NACC2: variants seen among roughly 807,000 people sequenced by gnomAD.
NACC2 encodes NACC family member 2, also known as nucleus accumbens-associated protein 2.
In NACC2, 8 loss-of-function variants were observed where a neutral mutation model predicts 25.1. That is an observed-to-expected ratio of 0.32 (90% confidence interval 0.19 to 0.57). The LOEUF (loss-of-function observed/expected upper bound fraction) is 0.57. Ranked by LOEUF, NACC2 falls within the 20% of genes least tolerant of loss-of-function variation. NACC2 has a pLI of 0.89. For missense variants in NACC2, 644 were observed against 650.2 expected (o/e 0.99, Z 0.10); for synonymous variants, 435 against 294.7 (o/e 1.48, Z -4.88).
intron 1 of NACC2, among the ~76,000 whole-genome samples, chr9:136,056,616 G>A (rs909278288): frequency 6.6e-6 from 1 of 152,250 alleles, no homozygotes; most frequent in African/African-American, 2.4e-5. Flanking sequence ...ACCCAGGAAA[G>A]GGGCGCAAAG....
chr9:136,010,413 G>C lies in NACC2; in HGVS notation c.*1103C>G, dbSNP rs2131128673. On this transcript the variant is annotated 3_prime_UTR_variant, in exon 6 of 6. Transcript: ENST00000277554. The surrounding 1 kb of genome is among the most constrained non-coding windows in gnomAD (Gnocchi z 4.9). ...CGGAGTCCCCCGCTCCCCAGGTCCG[G>C]CCCTGAGCTCAGCTTCACACGTACT... is the stretch of plus-strand genomic sequence containing the variant. The C allele has an allele frequency of 6.6e-6, 1 of 152,598 alleles. No homozygotes were observed. Among genetic ancestry groups the C allele is most frequent in the East Asian group, 1.9e-4 (1 of 5,154 alleles). 9.5% of individuals were successfully genotyped at this position (152,598 alleles called of 1,614,324 possible).
intron 2 of NACC2, among the ~76,000 whole-genome samples, chr9:136,036,760 AG>A (rs1840560646): frequency 6.6e-6 from 1 of 152,254 alleles, no homozygotes; most frequent in Non-Finnish European, 1.5e-5. Flanking sequence ...AATAATAATC[AG>A]AACCTCAGTG....
intron 2 of NACC2, among the ~76,000 whole-genome samples, chr9:136,039,649 C>A (rs1840600389): frequency 6.6e-6 from 1 of 152,078 alleles, no homozygotes; most frequent in African/African-American, 2.4e-5. Flanking sequence ...AGGTTTCTCC[C>A]AGGAATGCAA....
At chr9:136,033,729 AG>A (rs1282294932) in intron 2 of NACC2, among the ~76,000 whole-genome samples, 1 of 152,064 alleles carries the variant, frequency 6.6e-6, no homozygotes, top group East Asian at 1.9e-4. Flanking sequence ...AATATTCCTA[AG>A]AAAAAATTAT....
At position 136,011,822 on chromosome 9, in the gene NACC2, G is replaced by A. The variant is rs754937337; in HGVS notation, c.1458C>T (p.Ala486=). Residue 486 remains alanine (A), a synonymous_variant, in exon 6 of 6, where the codon GCC becomes GCT. Transcript: ENST00000277554. ...TGCGTTGCTCGAACACCTGTGCCGC[G>A]GCAGGCGGGAACTCGGGGTCGAGGG... The part of the protein sequence containing the change: ...SVPLDPEFPP[A]AAQVFEQRIY... 1.8e-5 allele frequency: 29 copies of A among 1,574,226 alleles called. No individual in the cohort carries two copies. The highest frequency in any genetic ancestry group is 9.5e-5 in the African/African-American group (7 of 73,812).
intron 2 of NACC2, among the ~76,000 whole-genome samples, chr9:136,038,117 G>C (rs992831845): frequency 2.6e-5 from 4 of 152,334 alleles, no homozygotes; most frequent in African/African-American, 9.6e-5. Context: ...CCAGGAAACA[G>C]ATTAGCGGTG....
intron 1 of NACC2, among the ~76,000 whole-genome samples, chr9:136,077,642 AGAG>A (rs145086010): frequency 0.086 from 13,162 of 152,226 alleles, 596 homozygotes; most frequent in African/African-American, 0.12. Context: ...GGCCCTTCAC[AGAG>A]GAGAAGGTCC....
intron 2 of NACC2, among the ~76,000 whole-genome samples, chr9:136,028,429 T>G (rs529351320): frequency 6.8e-6 from 1 of 146,880 alleles, no homozygotes; most frequent in Non-Finnish European, 1.5e-5. Flanking sequence ...CATGCTGGAG[T>G]GCAGTGGTGC....
At chr9:136,068,500 A>C (rs1029266970) in intron 1 of NACC2, among the ~76,000 whole-genome samples, 1 of 30,904 alleles carries the variant, frequency 3.2e-5, no homozygotes, top group Non-Finnish European at 9.6e-5. Flanking sequence ...ACTCCGTCTC[A>C]AAAAAAAAAA....
rs1588571920 is a variant in NACC2 at position 136,050,667 on chromosome 9, C to T, written c.-59-87G>A. ...CCGTTCCCACCCCCTCCTCCCCCGC[C>T]GGGGGCTTACAAAGAGCGAGCCTTC... On this transcript the variant is annotated intron_variant, in intron 1 of 5. Coordinates refer to ENST00000277554, the MANE Select transcript of NACC2 (RefSeq NM_144653.5). 1.7e-5 allele frequency: 11 copies of T among 648,316 alleles called. No homozygotes were observed. In the East Asian group the frequency reaches 2.2e-4, roughly 13 times the overall value. 40.2% of individuals were successfully genotyped at this position (648,316 alleles called of 1,614,324 possible).
At chr9:136,089,088 G>A (rs946745330) in intron 1 of NACC2, among the ~76,000 whole-genome samples, 5 of 152,194 alleles carry the variant, frequency 3.3e-5, no homozygotes, top group Non-Finnish European at 7.4e-5. Context: ...TTGCAGCCCC[G>A]CTGCCAACCA....
At position 136,012,029 on chromosome 9, in the gene NACC2, G is replaced by A. The variant is rs1840118712; in HGVS notation, c.1256-5C>T. The A allele has an allele frequency of 1.9e-6, 3 of 1,554,132 alleles. No homozygotes were observed. The African/African-American group carries it at 4.1e-5, about 21-fold the overall frequency. On this transcript the variant is annotated splice_region_variant and splice_polypyrimidine_tract_variant and intron_variant, in intron 5 of 5. Coordinates refer to ENST00000277554, the MANE Select transcript of NACC2 (RefSeq NM_144653.5). ...GGGCGAAGTTCTGACAGTACACTGT[G>A]AGGACGGGGCGGCGTGAGCTCAGCC...
At chr9:136,042,391 G>A (rs1315140232) in intron 2 of NACC2, among the ~76,000 whole-genome samples, 1 of 152,184 alleles carries the variant, frequency 6.6e-6, no homozygotes, top group Non-Finnish European at 1.5e-5. Context: ...CATAAGCACA[G>A]ACACACAGAT....
intron 2 of NACC2, among the ~76,000 whole-genome samples, chr9:136,023,246 G>A (rs879430758): frequency 5.3e-4 from 81 of 151,630 alleles, no homozygotes; most frequent in Non-Finnish European, 8.3e-4. Context: ...AGCTGCGGGG[G>A]AAGATGTGGG....
chr9:136,074,159 A>T (rs1267797389), intron 1 of NACC2, among the ~76,000 whole-genome samples: 1 of 151,618 alleles, frequency 6.6e-6, no homozygotes, highest in Non-Finnish European at 1.5e-5. Flanking sequence ...TTAAAAAATT[A>T]GCCAGGCATG....
rs896548286 is a variant in NACC2 at position 136,050,125 on chromosome 9, C to T, written c.397G>A (p.Ala133Thr). The change falls in exon 2 of 6, where the codon GCT (alanine) becomes ACT (threonine). Residue 133 changes from alanine to threonine, a missense_variant. Ala to Thr is a moderately conservative substitution (Grantham distance 58, BLOSUM62 0). Transcript: ENST00000277554. ...VSSPHCDSQT[A>T]VIEDAGSEPQ... Reference sequence around the variant, plus strand: ...TCGGAGCCGGCGTCCTCGATCACAGCGGTCTGCGAGTCGCAGTGGGGCGAG... The same window carrying T: ...TCGGAGCCGGCGTCCTCGATCACAGTGGTCTGCGAGTCGCAGTGGGGCGAG... The T allele has an allele frequency of 1.2e-5, 9 of 762,712 alleles. No individual in the cohort carries two copies. In the Admixed American group the frequency reaches 1.4e-4, roughly 12 times the overall value. 47.2% of individuals were successfully genotyped at this position (762,712 alleles called of 1,614,324 possible). A position where few individuals can be genotyped will look rare whatever the true frequency, so the allele number is the denominator to read the frequency against.
intron 1 of NACC2, among the ~76,000 whole-genome samples, chr9:136,077,917 T>A (rs10858221): frequency 0.78 from 118,620 of 152,128 alleles, 48,335 homozygotes; most frequent in East Asian, 0.99. Flanking sequence ...ATCAGTCCAA[T>A]CATAGTTTTG....
intron 2 of NACC2, among the ~76,000 whole-genome samples, chr9:136,034,826 G>A (rs888600553): frequency 6.6e-5 from 10 of 152,174 alleles, no homozygotes; most frequent in Non-Finnish European, 1.3e-4. Context: ...AGGCACAGTG[G>A]CTCATGCCTG....
chr9:136,093,571 T>C (rs1181806378), intron 1 of NACC2, among the ~76,000 whole-genome samples: 1 of 152,164 alleles, frequency 6.6e-6, no homozygotes, highest in Admixed American at 6.5e-5. Flanking sequence ...AAGTGACAAG[T>C]GATATCTTGT....
Sources: gnomAD v4.1 joint callset for allele counts (sites outside exome capture counted in the v4.1 genomes callset) on GRCh38, gnomAD v4.1.1 for gene constraint, Gnocchi (gnomAD v3.1) non-coding constraint, MANE v1.5 for transcripts, NCBI Gene and HGNC (gene_info 2026-07-23, HGNC 2026-07-21) for gene names.